The following FRRS1 variants were observed in gnomAD, a reference collection of about 807,000 sequenced individuals.
FRRS1 encodes ferric chelate reductase 1, also known as ferric reductase 1.
A neutral mutation model predicts 70.7 loss-of-function variants in FRRS1; 51 were observed. The ratio of observed to expected loss-of-function variants is 0.72; its 90% CI spans 0.58 to 0.91. The LOEUF is 0.91. Ranked by LOEUF, FRRS1 falls within the 40% of genes least tolerant of loss-of-function variation. FRRS1 has a pLI of 0.00. For missense variants in FRRS1, 672 were observed against 726.0 expected, an observed-to-expected ratio of 0.93 and a Z score of 0.86; for synonymous variants, 225 against 238.7, an observed-to-expected ratio of 0.94 and a Z score of 0.53.
chr1:99,733,920 C>A (rs556574137), intron 7 of FRRS1, among the ~76,000 whole-genome samples: 1 of 152,212 alleles, frequency 6.6e-6, no homozygotes, highest in Admixed American at 6.5e-5. Context: ...TGACAGACAC[C>A]AGTGATCAAA....
At chr1:99,709,295 C>T (rs1654166645) in intron 15 of FRRS1, 36 bp from the exon 16 acceptor site, 6 of 1,409,880 alleles carry the variant, frequency 4.3e-6, no homozygotes, top group African/African-American at 1.4e-5. Context: ...TTAAGGGCAG[C>T]GTTATGCAGG....
chr1:99,749,921 T>C (rs1458143950), intron 1 of FRRS1, among the ~76,000 whole-genome samples: 2 of 152,218 alleles, frequency 1.3e-5, no homozygotes, highest in Non-Finnish European at 2.9e-5. Flanking sequence ...AGGTTGCAGA[T>C]GGGAAACACC....
At chr1:99,712,594 G>C (rs959110858) in intron 12 of FRRS1, 79 bp from the exon 13 acceptor site, 6 of 701,738 alleles carry the variant, frequency 8.6e-6, no homozygotes, top group African/African-American at 7.2e-5. Flanking sequence ...AATACACACA[G>C]ATGTATTCTT....
At position 99,709,992 on chromosome 1, in the gene FRRS1, A is replaced by C. The variant is rs143435983; in HGVS notation, c.1625-733T>G. Among the ~76,000 whole-genome samples, 245 of 152,180 alleles carry C rather than the reference A, an allele frequency of 1.6e-3. 1 individual carries two copies. Among genetic ancestry groups the C allele is most frequent in the African/African-American group, 5.4e-3 (224 of 41,534 alleles). On this transcript the variant is annotated intron_variant, in intron 15 of 16. Coordinates refer to ENST00000646001, the MANE Select transcript of FRRS1 (RefSeq NM_001361041.2). ...CAAAACAAACAAACAAACAAACAAA[A>C]AAACAGTAAGCCATAATTCAGTGGT...
chr1:99,713,849 T>C (rs550613568), intron 12 of FRRS1, among the ~76,000 whole-genome samples: 25 of 152,226 alleles, frequency 1.6e-4, no homozygotes. Flanking sequence ...TAAAGAGTGC[T>C]ATGGGAAAAA....
intron 3 of FRRS1, 76 bp from the exon 4 acceptor site, chr1:99,747,506 A>G: frequency 7.3e-7 from 1 of 1,376,936 alleles, no homozygotes; most frequent in Non-Finnish European, 1.0e-6. Context: ...GTACATTACA[A>G]TTACAATGAG....
intron 6 of FRRS1, among the ~76,000 whole-genome samples, chr1:99,738,853 T>C (rs939424299): frequency 8.5e-5 from 13 of 152,148 alleles, no homozygotes; most frequent in South Asian, 2.1e-4. Flanking sequence ...TAGTGATTTA[T>C]TGGGGGGAGA....
intron 1 of FRRS1, among the ~76,000 whole-genome samples, chr1:99,761,075 TCTAATCACAG>T (rs1205035453): frequency 1.3e-5 from 2 of 151,960 alleles, no homozygotes; most frequent in African/African-American, 4.8e-5. Context: ...TCCTAGTTTC[TCTAATCACAG>T]CACCATCAGC....
In FRRS1 at chr1:99,728,652, C is replaced by A. The variant is rs2100937086; in HGVS notation, c.859-12G>T. The A allele has an allele frequency of 6.2e-7, 1 of 1,610,846 alleles. No homozygotes were observed. The highest frequency in any genetic ancestry group is 8.5e-7 in the Non-Finnish European group (1 of 1,177,772). On this transcript the variant is annotated splice_polypyrimidine_tract_variant and intron_variant, in intron 8 of 16. Transcript: ENST00000646001. Reference sequence around the variant, plus strand: ...TCCTCAAGGGTATCCTACAAACACACACAATGGGTCTTCTCAGCACTTTCC... The same window carrying A: ...TCCTCAAGGGTATCCTACAAACACAAACAATGGGTCTTCTCAGCACTTTCC...
At chr1:99,731,704 T>C (rs1280999461) in intron 7 of FRRS1, among the ~76,000 whole-genome samples, 1 of 152,220 alleles carries the variant, frequency 6.6e-6, no homozygotes, top group East Asian at 1.9e-4. Flanking sequence ...CATGTACATA[T>C]CATCTATGGC....
intron 5 of FRRS1, among the ~76,000 whole-genome samples, chr1:99,741,613 C>T (rs1189562731): frequency 6.6e-6 from 1 of 152,196 alleles, no homozygotes; most frequent in African/African-American, 2.4e-5. Context: ...ATTTGAGAGG[C>T]ATGCAGTCTT....
intron 7 of FRRS1, among the ~76,000 whole-genome samples, chr1:99,733,755 A>G (rs1388251061): frequency 1.3e-5 from 2 of 152,370 alleles, no homozygotes; most frequent in African/African-American, 2.4e-5. Context: ...CCATTTTGCA[A>G]CCACAAATGT....
chr1:99,757,517 A>G (rs1041529612), intron 1 of FRRS1, among the ~76,000 whole-genome samples: 1 of 152,202 alleles, frequency 6.6e-6, no homozygotes, highest in Non-Finnish European at 1.5e-5. Context: ...AAAAAGTATA[A>G]ATATGGCAAA....
At chr1:99,723,177 T>C (rs1322789133) in intron 9 of FRRS1, among the ~76,000 whole-genome samples, 1 of 152,180 alleles carries the variant, frequency 6.6e-6, no homozygotes, top group Non-Finnish European at 1.5e-5. Context: ...AATATCCCAA[T>C]GTGTTCCTGC....
At position 99,705,814 on chromosome 1, in the gene FRRS1, C is replaced by A. The variant is rs1229944663; in HGVS notation, c.*3214G>T. 6.6e-6 allele frequency among the ~76,000 whole-genome samples: 1 copy of A among 152,146 alleles called. No homozygotes were observed. The highest frequency in any genetic ancestry group is 6.5e-5 in the Admixed American group (1 of 15,276). On this transcript the variant is annotated 3_prime_UTR_variant, in exon 17 of 17. Coordinates refer to ENST00000646001, the MANE Select transcript of FRRS1 (RefSeq NM_001361041.2). ...CAATTTTCTAGAATTTCTTTCATTT[C>A]TTTCTGAAAAGCACACACATCTTTA...
At chr1:99,710,230 C>T (rs1654211544) in intron 15 of FRRS1, among the ~76,000 whole-genome samples, 1 of 152,130 alleles carries the variant, frequency 6.6e-6, no homozygotes, top group South Asian at 2.1e-4. Flanking sequence ...AGAATCCAGG[C>T]TAAATGATAC....
chr1:99,732,025 A>G (rs1175130766), intron 7 of FRRS1, among the ~76,000 whole-genome samples: 1 of 152,186 alleles, frequency 6.6e-6, no homozygotes, highest in Non-Finnish European at 1.5e-5. Flanking sequence ...GAGACATAGA[A>G]ATTCTTTTGT....
intron 5 of FRRS1, 57 bp from the exon 6 acceptor site, chr1:99,740,997 C>A: frequency 3.5e-6 from 5 of 1,425,500 alleles, no homozygotes; most frequent in Non-Finnish European, 4.9e-6. Flanking sequence ...ACAATCAGAT[C>A]AAAACGTTAA....
chr1:99,704,978 C>A lies in FRRS1; in HGVS notation c.*4050G>T, dbSNP rs1653995144. Among the ~76,000 whole-genome samples, 1 of 152,310 alleles carries A rather than the reference C, an allele frequency of 6.6e-6. No homozygotes were observed. Among genetic ancestry groups the A allele is most frequent in the Admixed American group, 6.5e-5 (1 of 15,298 alleles). On this transcript the variant is annotated 3_prime_UTR_variant, in exon 17 of 17. Transcript: ENST00000646001. ...CAGGTGTGATCCGATTCTCCTGGTA[C>A]ACCAAGGCAAGAACCCAGGGATACA...
Sources: allele counts gnomAD v4.1 joint callset (sites outside exome capture counted in the v4.1 genomes callset), GRCh38; gene constraint gnomAD v4.1.1; transcripts MANE v1.5; gene names NCBI Gene and HGNC (gene_info 2026-07-23, HGNC 2026-07-21).